Variants in SRGAP1 observed in about 807,000 individuals in gnomAD.
SRGAP1 encodes the protein SLIT-ROBO Rho GTPase activating protein 1.
A neutral mutation model predicts 121.9 loss-of-function variants in SRGAP1; 43 were observed. The ratio of observed to expected loss-of-function variants is 0.35; its 90% CI spans 0.28 to 0.46. The LOEUF (loss-of-function observed/expected upper bound fraction) is 0.46, where lower values mean the gene tolerates loss of function less well. SRGAP1 is among the 20% of genes least tolerant of loss of function. The pLI, the probability that SRGAP1 is intolerant of heterozygous loss-of-function variation, is 1.00. For missense variants in SRGAP1, 1,102 were observed against 1,350.9 expected (o/e 0.82, Z 2.89); for synonymous variants, 447 against 485.4 (o/e 0.92, Z 1.04).
chr12:64,013,125 C>T (rs1265411698), intron 3 of SRGAP1, among the ~76,000 whole-genome samples: 1 of 152,184 alleles, frequency 6.6e-6, no homozygotes, highest in Non-Finnish European at 1.5e-5. Context: ...ATGTCGTATG[C>T]TAACTGGGCC....
chr12:64,127,372 T>G (rs1400909678), intron 19 of SRGAP1, among the ~76,000 whole-genome samples: 1 of 152,244 alleles, frequency 6.6e-6, no homozygotes, highest in African/African-American at 2.4e-5. Context: ...TATTTCAGTC[T>G]TTTTTGTATA....
intron 1 of SRGAP1, among the ~76,000 whole-genome samples, chr12:63,848,569 G>C (rs1158975871): frequency 6.6e-6 from 1 of 151,348 alleles, no homozygotes; most frequent in Non-Finnish European, 1.5e-5. Context: ...TTTTGAGACA[G>C]AGTCTCACTC....
intron 8 of SRGAP1, among the ~76,000 whole-genome samples, chr12:64,078,438 A>C (rs1270556869): frequency 1.3e-5 from 2 of 152,218 alleles, no homozygotes; most frequent in African/African-American, 4.8e-5. Context: ...GGGCAAAGCT[A>C]ATATCTAATC....
intron 6 of SRGAP1, among the ~76,000 whole-genome samples, chr12:64,058,099 T>C (rs945649590): frequency 6.6e-6 from 1 of 152,220 alleles, no homozygotes; most frequent in African/African-American, 2.4e-5. Flanking sequence ...TTACACATTA[T>C]ACTCACCATG....
intron 15 of SRGAP1, among the ~76,000 whole-genome samples, chr12:64,099,482 TTGTC>T (rs1343447852): frequency 6.6e-6 from 1 of 152,220 alleles, no homozygotes; most frequent in Non-Finnish European, 1.5e-5. Flanking sequence ...CACGAGTTCT[TTGTC>T]TGGCATCAGT....
At chr12:64,039,491 C>T (rs1236564746) in intron 4 of SRGAP1, among the ~76,000 whole-genome samples, 2 of 152,062 alleles carry the variant, frequency 1.3e-5, no homozygotes, top group Non-Finnish European at 2.9e-5. Flanking sequence ...CAGATTTTTT[C>T]TTTGCGATAA....
intron 1 of SRGAP1, among the ~76,000 whole-genome samples, chr12:63,930,958 T>C (rs1316380027): frequency 6.6e-6 from 1 of 152,210 alleles, no homozygotes; most frequent in African/African-American, 2.4e-5. Flanking sequence ...AATGAGTTGC[T>C]AATAGACTGG....
chr12:63,984,037 T>C lies in SRGAP1; in HGVS notation c.158T>C (p.Phe53Ser). The C allele has an allele frequency of 6.4e-7, 1 of 1,565,592 alleles. No individual in the cohort carries two copies. Among genetic ancestry groups the C allele is most frequent in the Non-Finnish European group, 8.7e-7 (1 of 1,150,354 alleles). Reference sequence around the variant, plus strand: ...CTTCTCCAGGATCTGCAAGATTTCTTCCGAAAAAAAGCTGAAATTGAGACG... The same window carrying C: ...CTTCTCCAGGATCTGCAAGATTTCTCCCGAAAAAAAGCTGAAATTGAGACG... ...VQLLQDLQDF[F>S]RKKAEIETEY... The change falls in exon 2 of 22, where the codon TTC (phenylalanine) becomes TCC (serine). Residue 53 changes from phenylalanine (F) to serine (S), a missense_variant. Around this residue, in one of 3 missense-constraint regions of SRGAP1, gnomAD observed 747 missense variants for 929.4 expected, o/e 0.80. Coordinates refer to ENST00000355086, the MANE Select transcript of SRGAP1 (RefSeq NM_020762.4).
chr12:63,930,700 G>A (rs191249927), intron 1 of SRGAP1, among the ~76,000 whole-genome samples: 138 of 152,160 alleles, frequency 9.1e-4, no homozygotes, highest in African/African-American at 3.1e-3. Flanking sequence ...GAGCGAGTGA[G>A]TGAATTGTTT....
intron 1 of SRGAP1, among the ~76,000 whole-genome samples, chr12:63,960,591 C>T (rs947896804): frequency 3.3e-5 from 5 of 152,120 alleles, no homozygotes; most frequent in Non-Finnish European, 5.9e-5. Flanking sequence ...TAATGGCTCC[C>T]CCAAAGATGT....
At chr12:64,127,801 T>C (rs2036719118) in intron 20 of SRGAP1, 60 bp from the exon 21 acceptor site, 1 of 1,600,586 alleles carries the variant, frequency 6.2e-7, no homozygotes, top group Non-Finnish European at 8.5e-7. Context: ...ACCTCAGCCT[T>C]GCAGTACTGC....
chr12:64,095,448 G>C (rs777689501), intron 14 of SRGAP1, among the ~76,000 whole-genome samples: 2 of 152,126 alleles, frequency 1.3e-5, no homozygotes, highest in African/African-American at 2.4e-5. Context: ...ATTGATAATC[G>C]GTGCCAGGTA....
chr12:63,956,586 A>G (rs1413682911), intron 1 of SRGAP1, among the ~76,000 whole-genome samples: 1 of 152,244 alleles, frequency 6.6e-6, no homozygotes, highest in Non-Finnish European at 1.5e-5. Flanking sequence ...CTGAAAGAGC[A>G]ACAAGAAAAA....
chr12:63,848,066 C>T (rs1192373507), intron 1 of SRGAP1, among the ~76,000 whole-genome samples: 2 of 151,484 alleles, frequency 1.3e-5, no homozygotes, highest in East Asian at 1.9e-4. Flanking sequence ...AGTGCAGTGG[C>T]GTGGTCTCGG....
chr12:63,874,177 T>G (rs904847823), intron 1 of SRGAP1, among the ~76,000 whole-genome samples: 8 of 152,114 alleles, frequency 5.3e-5, no homozygotes, highest in African/African-American at 1.9e-4. Context: ...TGTAAAAGTG[T>G]TAGCATAATA....
At chr12:63,858,202 G>GTGTC (rs1169204233) in intron 1 of SRGAP1, among the ~76,000 whole-genome samples, 16 of 150,924 alleles carry the variant, frequency 1.1e-4, no homozygotes, top group African/African-American at 2.9e-4. Context: ...GTGTGTGTGT[G>GTGTC]TGTCTGTCTG....
intron 1 of SRGAP1, among the ~76,000 whole-genome samples, chr12:63,850,237 G>A (rs1899031595): frequency 6.6e-6 from 1 of 152,012 alleles, no homozygotes; most frequent in African/African-American, 2.4e-5. Flanking sequence ...ATATATTAAG[G>A]GATAGTTTTG....
At chr12:63,903,538 G>A (rs1008151933) in intron 1 of SRGAP1, among the ~76,000 whole-genome samples, 21 of 148,822 alleles carry the variant, frequency 1.4e-4, no homozygotes, top group African/African-American at 4.2e-4. Flanking sequence ...GAGCCACCGC[G>A]CCCAGCCTGT....
At position 64,111,908 on chromosome 12, in the gene SRGAP1, A is replaced by G. The variant is rs1441306742; in HGVS notation, c.2066A>G (p.His689Arg). ...GAAATTATCAAAACCATCATCATCC[A>G]CCATGAGACTATTTTCCCAGATGCT... ...VNEIIKTIIIHHETIFPDAKE... is the reference protein window; with the variant it reads ...VNEIIKTIIIRHETIFPDAKE... Residue 689 changes from histidine (H) to arginine (R), a missense_variant, in exon 17 of 22, where the codon CAC (histidine) becomes CGC (arginine). His to Arg is a conservative substitution (Grantham distance 29). This residue lies in a region of SRGAP1 where 747 missense variants were observed against 929.4 expected (regional missense o/e 0.80). Coordinates refer to ENST00000355086, the MANE Select transcript of SRGAP1 (RefSeq NM_020762.4). 1.2e-6 allele frequency: 2 copies of G among 1,613,982 alleles called. No individual in the cohort carries two copies. The highest frequency in any genetic ancestry group is 1.7e-6 in the Non-Finnish European group (2 of 1,180,000).
Sources: gnomAD v4.1 joint callset for allele counts (sites outside exome capture counted in the v4.1 genomes callset) on GRCh38, gnomAD v4.1.1 for gene constraint, gnomAD v4.1.1 regional missense constraint, MANE v1.5 for transcripts, NCBI Gene and HGNC (gene_info 2026-07-23, HGNC 2026-07-21) for gene names.